Variants in PAK5 observed in about 807,000 individuals in gnomAD.
The protein encoded by PAK5 is p21 (RAC1) activated kinase 5.
Under a neutral mutation model 65.9 loss-of-function variants are expected in PAK5, and 16 were observed. The ratio of observed to expected loss-of-function variants is 0.24; its 90% CI spans 0.16 to 0.37. The LOEUF is 0.37. Ranked by LOEUF, PAK5 falls within the 10% of genes least tolerant of loss-of-function variation. The pLI is 1.00. For missense variants in PAK5, 785 were observed against 903.9 expected, an observed-to-expected ratio of 0.87 and a Z score of 1.69; for synonymous variants, 371 against 354.9, an observed-to-expected ratio of 1.05 and a Z score of -0.51.
In PAK5 at chr20:9,622,265, C is replaced by T. The variant is rs60194752; in HGVS notation, c.204+21860G>A. On this transcript the variant is annotated intron_variant, in intron 3 of 9. Coordinates refer to ENST00000353224, the MANE Select transcript of PAK5 (RefSeq NM_177990.4). ...CCAAATAACAGATGATCTAGATCTT[C>T]CCTTTCAATATGGTACCCACTAGAC... Among the ~76,000 whole-genome samples the T allele has an allele frequency of 2.4e-3, 360 of 152,264 alleles. 3 individuals are homozygous for T. Among genetic ancestry groups the T allele is most frequent in the African/African-American group, 7.9e-3 (330 of 41,564 alleles).
intron 1 of PAK5, among the ~76,000 whole-genome samples, chr20:9,821,600 G>A (rs781634374): frequency 6.6e-6 from 1 of 151,924 alleles, no homozygotes; most frequent in African/African-American, 2.4e-5. Context: ...CATTCTCATC[G>A]AGAAAGCCAC....
At chr20:9,733,506 A>C (rs1408174226) in intron 1 of PAK5, among the ~76,000 whole-genome samples, 1 of 151,124 alleles carries the variant, frequency 6.6e-6, no homozygotes, top group Non-Finnish European at 1.5e-5. Flanking sequence ...GTGCAGTGGC[A>C]CAATCTTGGT....
At chr20:9,633,263 A>G (rs1197355330) in intron 3 of PAK5, among the ~76,000 whole-genome samples, 2 of 152,148 alleles carry the variant, frequency 1.3e-5, no homozygotes, top group Non-Finnish European at 2.9e-5. Flanking sequence ...TGTGAGTCCC[A>G]TGCAAATTCA....
chr20:9,603,130 A>G (rs1355129590), intron 3 of PAK5, among the ~76,000 whole-genome samples: 1 of 152,238 alleles, frequency 6.6e-6, no homozygotes, highest in Non-Finnish European at 1.5e-5. Context: ...TGGAGGGGAA[A>G]GATTATAGAC....
chr20:9,615,806 A>G (rs2046645556), intron 3 of PAK5, among the ~76,000 whole-genome samples: 8 of 152,164 alleles, frequency 5.3e-5, no homozygotes, highest in Admixed American at 5.2e-4. Context: ...CCAGACATCC[A>G]TGATGCTCAC....
In PAK5 at chr20:9,635,110, A is replaced by G. The variant is rs113127439; in HGVS notation, c.204+9015T>C. Among the ~76,000 whole-genome samples, 878 of 152,272 alleles carry G rather than the reference A, an allele frequency of 5.8e-3. 4 individuals carry two copies. Among genetic ancestry groups the G allele is most frequent in the Non-Finnish European group, 0.01 (700 of 68,012 alleles). On this transcript the variant is annotated intron_variant, in intron 3 of 9. Coordinates refer to ENST00000353224, the MANE Select transcript of PAK5 (RefSeq NM_177990.4). ...TTGCTTTTACTTTGCAATGAAATTA[A>G]CTGTCTTTATAACATATACACTCTT...
chr20:9,827,736 C>T (rs1247980467), intron 1 of PAK5, among the ~76,000 whole-genome samples: 1 of 152,062 alleles, frequency 6.6e-6, no homozygotes, highest in East Asian at 1.9e-4. Flanking sequence ...AGATAGGAGG[C>T]TGACAGAAGA....
At chr20:9,556,212 G>C (rs1360934149) in intron 7 of PAK5, among the ~76,000 whole-genome samples, 1 of 152,164 alleles carries the variant, frequency 6.6e-6, no homozygotes, top group African/African-American at 2.4e-5. Flanking sequence ...CAAAAAGCAG[G>C]ACTTAAAACT....
At chr20:9,677,648 T>C (rs550135686) in intron 2 of PAK5, among the ~76,000 whole-genome samples, 10 of 152,386 alleles carry the variant, frequency 6.6e-5, no homozygotes, top group Admixed American at 3.9e-4. Context: ...TATGACCATT[T>C]GGATTTCAGT....
intron 2 of PAK5, among the ~76,000 whole-genome samples, chr20:9,653,973 T>TC (rs1281876961): frequency 2.0e-5 from 3 of 151,570 alleles, no homozygotes; most frequent in Non-Finnish European, 4.4e-5. Context: ...TTTTTTTTTT[T>TC]TTGACAGGGT....
chr20:9,674,482 G>T (rs2047541983), intron 2 of PAK5, among the ~76,000 whole-genome samples: 1 of 152,280 alleles, frequency 6.6e-6, no homozygotes, highest in Non-Finnish European at 1.5e-5. Context: ...TATAGATCTT[G>T]CTGTGGAGTA....
intron 9 of PAK5, among the ~76,000 whole-genome samples, chr20:9,540,920 T>G (rs2045252124): frequency 1.3e-5 from 2 of 152,132 alleles, no homozygotes; most frequent in Admixed American, 1.3e-4. Context: ...GTATTTTTAG[T>G]GGAGATGGGG....
chr20:9,620,205 AT>A (rs767046963), intron 3 of PAK5, among the ~76,000 whole-genome samples: 7 of 152,176 alleles, frequency 4.6e-5, no homozygotes, highest in Non-Finnish European at 5.9e-5. Flanking sequence ...ATGGACAATT[AT>A]TTCCCCTTTG....
At chr20:9,700,242 T>A (rs1224812966) in intron 2 of PAK5, among the ~76,000 whole-genome samples, 2 of 152,012 alleles carry the variant, frequency 1.3e-5, no homozygotes, top group African/African-American at 4.8e-5. Context: ...TGAGAACTAG[T>A]CTCTACAAAA....
intron 1 of PAK5, among the ~76,000 whole-genome samples, chr20:9,763,047 C>A (rs978218197): frequency 6.6e-6 from 1 of 151,910 alleles, no homozygotes; most frequent in African/African-American, 2.4e-5. Context: ...CTCACCTATA[C>A]GTGAAATCTA....
intron 3 of PAK5, among the ~76,000 whole-genome samples, chr20:9,612,078 G>GC (rs1363005412): frequency 1.3e-5 from 2 of 152,066 alleles, no homozygotes. Flanking sequence ...AGGGTGTCTG[G>GC]CCCCCCATGG....
intron 2 of PAK5, among the ~76,000 whole-genome samples, chr20:9,702,781 C>T (rs2047956269): frequency 6.6e-6 from 1 of 152,144 alleles, no homozygotes; most frequent in Non-Finnish European, 1.5e-5. Flanking sequence ...TTTAATTTTG[C>T]TATGCATTAT....
At chr20:9,751,068 C>T (rs1393465939) in intron 1 of PAK5, among the ~76,000 whole-genome samples, 1 of 152,136 alleles carries the variant, frequency 6.6e-6, no homozygotes, top group Non-Finnish European at 1.5e-5. Context: ...CAAATGTGCA[C>T]TGCAATGTGT....
chr20:9,737,068 G>GA (rs1442180453), intron 1 of PAK5, among the ~76,000 whole-genome samples: 5 of 151,400 alleles, frequency 3.3e-5, no homozygotes, highest in Non-Finnish European at 7.4e-5. Context: ...TTACAACATT[G>GA]AAAGTGAAAT....
Sources: gnomAD v4.1 joint callset for allele counts (sites outside exome capture counted in the v4.1 genomes callset) on GRCh38, gnomAD v4.1.1 for gene constraint, MANE v1.5 for transcripts, NCBI Gene and HGNC (gene_info 2026-07-23, HGNC 2026-07-21) for gene names.